Variants in GSG1L observed in about 807,000 individuals in gnomAD.
GSG1L encodes germ cell-specific gene 1-like protein.
Under a neutral mutation model 42.1 loss-of-function variants are expected in GSG1L, and 24 were observed. The ratio of observed to expected loss-of-function variants is 0.57; its 90% CI spans 0.41 to 0.80. GSG1L has a LOEUF of 0.80. Ranked by LOEUF, GSG1L falls within the 30% of genes least tolerant of loss-of-function variation. The probability of loss-of-function intolerance (pLI) is 0.00; values close to 1 mark genes in which losing one functional copy is unlikely to be tolerated. For synonymous variants in GSG1L, 215 were observed against 203.5 expected (o/e 1.06, Z -0.48); for missense variants, 445 against 472.2 (o/e 0.94, Z 0.53).
At chr16:28,038,674 G>A (rs201952237) in intron 1 of GSG1L, among the ~76,000 whole-genome samples, 19 of 152,144 alleles carry the variant, frequency 1.2e-4, no homozygotes, top group Non-Finnish European at 2.2e-4. Flanking sequence ...TCCTCCTGGC[G>A]ATACCCAGAG....
intron 3 of GSG1L, among the ~76,000 whole-genome samples, chr16:27,845,411 T>A (rs1362729126): frequency 6.6e-6 from 1 of 152,190 alleles, no homozygotes; most frequent in Non-Finnish European, 1.5e-5. Context: ...TGTATTTTCA[T>A]TTTTGTAGAA....
intron 1 of GSG1L, among the ~76,000 whole-genome samples, chr16:27,982,582 C>T (rs868394406): frequency 2.1e-4 from 32 of 152,192 alleles, no homozygotes; most frequent in Admixed American, 9.2e-4. Context: ...GTCTATTTTG[C>T]GTTGCTATAA....
intron 1 of GSG1L, among the ~76,000 whole-genome samples, chr16:28,024,467 C>T (rs2085879552): frequency 6.6e-6 from 1 of 152,190 alleles, no homozygotes; most frequent in Admixed American, 6.5e-5. Flanking sequence ...ATAAAACAAT[C>T]TAGGAAGCTA....
chr16:28,062,670 G>A (rs913304741), intron 1 of GSG1L, among the ~76,000 whole-genome samples: 14 of 152,300 alleles, frequency 9.2e-5, no homozygotes, highest in Admixed American at 7.2e-4. Flanking sequence ...GGCGTTCCGG[G>A]GTGGGTGGGG....
chr16:27,842,761 T>C (rs1411785565), intron 4 of GSG1L, among the ~76,000 whole-genome samples: 1 of 152,156 alleles, frequency 6.6e-6, no homozygotes, highest in Non-Finnish European at 1.5e-5. Flanking sequence ...GAGATGGAGC[T>C]GGGGTGCCCA....
intron 1 of GSG1L, among the ~76,000 whole-genome samples, chr16:27,976,422 G>C (rs1442736752): frequency 6.6e-6 from 1 of 152,250 alleles, no homozygotes; most frequent in African/African-American, 2.4e-5. Flanking sequence ...CTGCAGACAT[G>C]ATTGTGGAAT....
intron 6 of GSG1L, among the ~76,000 whole-genome samples, chr16:27,803,800 GATAGAT>G (rs965392760): frequency 0.029 from 2,133 of 74,130 alleles, 19 homozygotes; most frequent in Non-Finnish European, 0.034. Context: ...TATATAGATA[GATAGAT>G]ATAGATATAG....
chr16:27,829,658 T>C (rs1027005176), intron 4 of GSG1L, among the ~76,000 whole-genome samples: 7 of 152,144 alleles, frequency 4.6e-5, no homozygotes, highest in Non-Finnish European at 1.0e-4. Context: ...GTGATCCTCC[T>C]GCCTCAGCCT....
At chr16:28,035,047 C>T (rs2086016437) in intron 1 of GSG1L, among the ~76,000 whole-genome samples, 1 of 152,176 alleles carries the variant, frequency 6.6e-6, no homozygotes, top group African/African-American at 2.4e-5. Flanking sequence ...CAGTGTCTTA[C>T]TCTGTCTCCC....
At chr16:27,937,994 C>G (rs147126701) in intron 2 of GSG1L, among the ~76,000 whole-genome samples, 166 of 152,212 alleles carry the variant, frequency 1.1e-3, no homozygotes, top group Admixed American at 2.2e-3. Context: ...CCTGGTCACC[C>G]CACAGTCAAT....
chr16:27,967,283 C>T (rs190164959), intron 1 of GSG1L, among the ~76,000 whole-genome samples: 19 of 152,302 alleles, frequency 1.2e-4, no homozygotes, highest in Admixed American at 6.5e-4. Context: ...ATGGAGGCAG[C>T]GGTGGGAGAT....
intron 1 of GSG1L, among the ~76,000 whole-genome samples, chr16:28,032,468 G>A (rs935360851): frequency 5.3e-5 from 8 of 152,342 alleles, no homozygotes; most frequent in East Asian, 1.9e-4. Context: ...TCTTCCAGGC[G>A]TCTCAGCCCA....
At chr16:28,053,261 A>T (rs543652207) in intron 1 of GSG1L, among the ~76,000 whole-genome samples, 96 of 152,370 alleles carry the variant, frequency 6.3e-4, no homozygotes, top group Non-Finnish European at 1.2e-3. Flanking sequence ...ACGTTTGCTT[A>T]GAGTGTGAAT....
At chr16:28,013,232 A>AG (rs1208300638) in intron 1 of GSG1L, among the ~76,000 whole-genome samples, 1 of 151,750 alleles carries the variant, frequency 6.6e-6, no homozygotes, top group Non-Finnish European at 1.5e-5. Flanking sequence ...AAAAAAAAAA[A>AG]ACTTACAAGG....
At chr16:27,876,546 G>A (rs2083889865) in intron 3 of GSG1L, among the ~76,000 whole-genome samples, 1 of 152,228 alleles carries the variant, frequency 6.6e-6, no homozygotes, top group Non-Finnish European at 1.5e-5. Context: ...AAATGGCTCT[G>A]CAAATTTGCT....
intron 2 of GSG1L, among the ~76,000 whole-genome samples, chr16:27,946,664 G>C (rs979006654): frequency 7.4e-6 from 1 of 134,476 alleles, no homozygotes; most frequent in Non-Finnish European, 1.6e-5. Context: ...AGAAAAGAAA[G>C]AAAGAAAGAA....
In GSG1L at chr16:27,965,917, G is replaced by A. The variant is rs924391808; in HGVS notation, c.350-2714C>T. On this transcript the variant is annotated intron_variant, in intron 1 of 6. Transcript: ENST00000447459. ...ACCCCAAGTCAGAGCCTAAGTCCTC[G>A]CTGTGGCCTGCAAGACCCTCTGTGA... 3.9e-5 allele frequency among the ~76,000 whole-genome samples: 6 copies of A among 152,118 alleles called. 1 individual carries two copies. Among genetic ancestry groups the A allele is most frequent in the Admixed American group, 2.0e-4 (3 of 15,264 alleles).
chr16:27,998,414 C>T (rs1044129569), intron 1 of GSG1L: 1 of 152,208 alleles, frequency 6.6e-6, no homozygotes. Flanking sequence ...ATGTGGACAT[C>T]TTTGGAGTGG....
intron 2 of GSG1L, among the ~76,000 whole-genome samples, chr16:27,912,296 T>G (rs1382030536): frequency 6.6e-6 from 1 of 152,174 alleles, no homozygotes; most frequent in Non-Finnish European, 1.5e-5. Context: ...GGAGGATCGC[T>G]TAAGCCCAGG....
Sources: allele counts gnomAD v4.1 joint callset (sites outside exome capture counted in the v4.1 genomes callset), GRCh38; gene constraint gnomAD v4.1.1; transcripts MANE v1.5; gene names NCBI Gene and HGNC (gene_info 2026-07-23, HGNC 2026-07-21).